PCDHGB3: variants seen among roughly 807,000 people sequenced by gnomAD.
PCDHGB3 encodes protocadherin gamma-B3.
A neutral mutation model predicts 59.2 loss-of-function variants in PCDHGB3; 40 were observed. The observed-to-expected ratio is 0.68, with a 90% confidence interval of 0.52 to 0.88. The LOEUF (loss-of-function observed/expected upper bound fraction) is 0.88, where lower values mean the gene tolerates loss of function less well. Ranked by LOEUF, PCDHGB3 falls within the 40% of genes least tolerant of loss-of-function variation. PCDHGB3 has a pLI of 0.00. For synonymous variants in PCDHGB3, 581 were observed against 503.6 expected (o/e 1.15, Z -2.06); for missense variants, 1,309 against 1,187.9 (o/e 1.10, Z -1.50).
At chr5:141,393,944 A>G (rs756691407) in intron 1 of PCDHGB3, 3 of 1,613,998 alleles carry the variant, frequency 1.9e-6, no homozygotes, top group South Asian at 1.1e-5. Flanking sequence ...AAGACTCTGG[A>G]AAGAATGGTC....
At chr5:141,504,381 T>C (rs1039838477) in intron 2 of PCDHGB3, among the ~76,000 whole-genome samples, 4 of 152,130 alleles carry the variant, frequency 2.6e-5, no homozygotes, top group Non-Finnish European at 5.9e-5. Context: ...GTGGAGTCGC[T>C]GCCTCACAGA....
At chr5:141,424,715 G>A (rs1299933373) in intron 1 of PCDHGB3, 1 of 152,132 alleles carries the variant, frequency 6.6e-6, no homozygotes, top group Admixed American at 6.6e-5. Flanking sequence ...TTTCAGTGTA[G>A]TTGGGAGTCA....
intron 2 of PCDHGB3, among the ~76,000 whole-genome samples, chr5:141,500,838 GGCTTTT>G (rs2099802886): frequency 6.6e-6 from 1 of 151,878 alleles, no homozygotes. Flanking sequence ...AATGCTAATG[GGCTTTT>G]GCTACATTAG....
At chr5:141,424,668 A>G (rs1561816018) in intron 1 of PCDHGB3, 1 of 152,196 alleles carries the variant, frequency 6.6e-6, no homozygotes, top group Non-Finnish European at 1.5e-5. Flanking sequence ...AATTAAACTG[A>G]TTTAGCTAGT....
At chr5:141,398,695 A>G (rs753760185) in intron 1 of PCDHGB3, 3 of 1,613,784 alleles carry the variant, frequency 1.9e-6, no homozygotes, top group Non-Finnish European at 2.5e-6. Flanking sequence ...GGATGGTAGT[A>G]AATACCCGGA....
At chr5:141,409,847 C>T (rs2095325421) in intron 1 of PCDHGB3, 3 of 1,611,712 alleles carry the variant, frequency 1.9e-6, no homozygotes, top group East Asian at 2.2e-5. Context: ...CGTGAGCCTG[C>T]GCGTGTTGGT....
Position 141,393,858 on chromosome 5 carries a change from A to G in PCDHGB3, c.2415+21049A>G, listed in dbSNP as rs777304987. The G allele has an allele frequency of 1.2e-5, 20 of 1,613,912 alleles. No homozygotes were observed. Among genetic ancestry groups the G allele is most frequent in the Admixed American group, 8.3e-5 (5 of 60,008 alleles). On this transcript the variant is annotated intron_variant, in intron 1 of 3. Transcript: ENST00000576222. ...AAATGACAATAGACCAGAAGTGATC[A>G]TTACGTCTTTGTTTAGCCCAGTGTT...
chr5:141,418,969 A>C, intron 1 of PCDHGB3: 1 of 1,614,028 alleles, frequency 6.2e-7, no homozygotes, highest in Non-Finnish European at 8.5e-7. Flanking sequence ...CCCTCTTCAA[A>C]ACACGGGACC....
chr5:141,512,712 A>G lies in PCDHGB3; in HGVS notation c.*1539A>G, dbSNP rs1362654237. 1 of 152,806 alleles carries G rather than the reference A, an allele frequency of 6.5e-6. No homozygotes were observed. The highest frequency in any genetic ancestry group is 2.4e-5 in the African/African-American group (1 of 41,414). 9.5% of individuals were successfully genotyped at this position (152,806 alleles called of 1,614,324 possible). On this transcript the variant is annotated 3_prime_UTR_variant, in exon 4 of 4. Coordinates refer to ENST00000576222, the MANE Select transcript of PCDHGB3 (RefSeq NM_018924.5). Reference sequence around the variant, plus strand: ...GTGTAGTGCGGTGTGCTTTTACGTGATGGCGGGTGGGCAGCGGGCGGCGGG... The same window carrying G: ...GTGTAGTGCGGTGTGCTTTTACGTGGTGGCGGGTGGGCAGCGGGCGGCGGG...
At chr5:141,438,749 C>T (rs1238134451) in intron 1 of PCDHGB3, among the ~76,000 whole-genome samples, 3 of 149,226 alleles carry the variant, frequency 2.0e-5, no homozygotes, top group African/African-American at 4.9e-5. Context: ...GCAACCTCTG[C>T]CTCCTGGGTT....
intron 1 of PCDHGB3, 110 bp downstream of exon 1, chr5:141,372,919 A>G (rs1404152823): frequency 2.0e-6 from 2 of 1,017,920 alleles, no homozygotes; most frequent in Non-Finnish European, 2.8e-6. Flanking sequence ...TATTTTATTG[A>G]TTTTCTGGTG....
intron 1 of PCDHGB3, chr5:141,400,754 C>G: frequency 1.7e-6 from 1 of 589,004 alleles, no homozygotes. Context: ...TTAGCTTCCT[C>G]TCTAGCAAAA....
chr5:141,398,476 T>C (rs756685671), intron 1 of PCDHGB3: 1 of 1,607,694 alleles, frequency 6.2e-7, no homozygotes. Flanking sequence ...ACTGAACTTT[T>C]ATCACGTGAA....
At chr5:141,393,275 C>T (rs769641711) in intron 1 of PCDHGB3, 4 of 1,613,828 alleles carry the variant, frequency 2.5e-6, no homozygotes, top group East Asian at 4.5e-5. Context: ...GTTATCCACT[C>T]CCAGAAGCTG....
At chr5:141,421,000 A>G (rs2096537102) in intron 1 of PCDHGB3, 1 of 507,878 alleles carries the variant, frequency 2.0e-6, no homozygotes, top group East Asian at 3.3e-5. Flanking sequence ...CTGCTCACCA[A>G]TCAGGGAATG....
intron 1 of PCDHGB3, chr5:141,384,020 G>C: frequency 6.2e-7 from 1 of 1,613,730 alleles, no homozygotes; most frequent in Non-Finnish European, 8.5e-7. Context: ...CTACAAGACA[G>C]AGATTCTGGA....
At chr5:141,391,287 A>G (rs1429932607) in intron 1 of PCDHGB3, 1 of 152,126 alleles carries the variant, frequency 6.6e-6, no homozygotes, top group Non-Finnish European at 1.5e-5. Flanking sequence ...TTGCTGAAAG[A>G]AGGAAACGTC....
intron 1 of PCDHGB3, chr5:141,384,930 C>G (rs764481830): frequency 6.2e-7 from 1 of 1,614,060 alleles, no homozygotes; most frequent in Admixed American, 1.7e-5. Context: ...ACCTGGGCAG[C>G]CTTGAGCCCT....
At chr5:141,379,889 C>CT (rs70988800) in intron 1 of PCDHGB3, among the ~76,000 whole-genome samples, 813 of 50,762 alleles carry the variant, frequency 0.016, 203 homozygotes, top group Non-Finnish European at 0.022. Flanking sequence ...GTGAAAGCCT[C>CT]TTTTTTTTTT....
Sources: gnomAD v4.1 joint callset for allele counts (sites outside exome capture counted in the v4.1 genomes callset) on GRCh38, gnomAD v4.1.1 for gene constraint, MANE v1.5 for transcripts, NCBI Gene and HGNC (gene_info 2026-07-23, HGNC 2026-07-21) for gene names.